GAB2: variants seen among roughly 807,000 people sequenced by gnomAD.
GAB2 encodes the protein GRB2 associated binding protein 2, also known as GRB2-associated-binding protein 2.
Under a neutral mutation model 65.5 loss-of-function variants are expected in GAB2, and 26 were observed. The ratio of observed to expected loss-of-function variants is 0.40; its 90% confidence interval spans 0.29 to 0.55. The LOEUF is 0.55. Among genes scored for constraint, GAB2 ranks in the 20% least tolerant of loss-of-function variants. The pLI, the probability that GAB2 is intolerant of heterozygous loss-of-function variation, is 0.53. For synonymous variants in GAB2, 321 were observed against 329.6 expected (o/e 0.97, Z 0.28); for missense variants, 884 against 875.8 (o/e 1.01, Z -0.12).
chr11:78,385,700 C>A (rs1444057701), intron 1 of GAB2, among the ~76,000 whole-genome samples: 2 of 152,126 alleles, frequency 1.3e-5, no homozygotes, highest in Non-Finnish European at 2.9e-5. Flanking sequence ...ACCAGAAACT[C>A]CACAGAAGAT....
At chr11:78,237,807 G>A (rs1865021129) in intron 3 of GAB2, among the ~76,000 whole-genome samples, 1 of 152,216 alleles carries the variant, frequency 6.6e-6, no homozygotes, top group South Asian at 2.1e-4. Flanking sequence ...ACTGGATCAA[G>A]AAAATGTGGT....
intron 3 of GAB2, among the ~76,000 whole-genome samples, chr11:78,244,887 A>G (rs1865253732): frequency 6.6e-6 from 1 of 152,228 alleles, no homozygotes; most frequent in Non-Finnish European, 1.5e-5. Flanking sequence ...AAGTTCCTCA[A>G]AAAACTAACA....
At chr11:78,315,622 G>C (rs1191054420) in intron 1 of GAB2, among the ~76,000 whole-genome samples, 1 of 152,136 alleles carries the variant, frequency 6.6e-6, no homozygotes, top group Non-Finnish European at 1.5e-5. Flanking sequence ...TGTTTTCTTG[G>C]ATGTGACACC....
chr11:78,280,502 C>T (rs1866304580), intron 2 of GAB2, 99 bp downstream of exon 2: 2 of 976,532 alleles, frequency 2.0e-6, no homozygotes, highest in Non-Finnish European at 1.6e-6. Context: ...GAACGCTCTT[C>T]CAACAGGAAA....
intron 3 of GAB2, among the ~76,000 whole-genome samples, chr11:78,230,657 T>C (rs957485048): frequency 6.6e-6 from 1 of 152,232 alleles, no homozygotes; most frequent in African/African-American, 2.4e-5. Context: ...TGATAGATAA[T>C]AGTGACACAT....
chr11:78,240,023 G>T (rs999729490), intron 3 of GAB2, among the ~76,000 whole-genome samples: 1 of 151,884 alleles, frequency 6.6e-6, no homozygotes, highest in Non-Finnish European at 1.5e-5. Flanking sequence ...TCCCAGGGGG[G>T]TCAAGCAGAA....
chr11:78,335,551 A>T (rs576127958), intron 1 of GAB2, among the ~76,000 whole-genome samples: 3 of 152,280 alleles, frequency 2.0e-5, no homozygotes, highest in Admixed American at 2.0e-4. Flanking sequence ...AGTTCACTGT[A>T]GGTATGTGAA....
intron 2 of GAB2, among the ~76,000 whole-genome samples, chr11:78,262,425 A>C (rs115678138): frequency 6.2e-4 from 95 of 152,346 alleles, no homozygotes; most frequent in African/African-American, 2.2e-3. Flanking sequence ...TCAGCACTGC[A>C]CTGTGGGAGG....
intron 1 of GAB2, among the ~76,000 whole-genome samples, chr11:78,303,586 T>C (rs114924891): frequency 0.019 from 2,939 of 152,294 alleles, 104 homozygotes; most frequent in African/African-American, 0.069. Context: ...AGTCTTGAAA[T>C]CAGGTAGTGT....
rs186315305 is a variant in GAB2 at position 78,284,519 on chromosome 11, G to A, written c.76-3618C>T. Among the ~76,000 whole-genome samples the A allele has an allele frequency of 4.4e-3, 667 of 152,212 alleles. 2 individuals are homozygous for A. Among genetic ancestry groups the A allele is most frequent in the African/African-American group, 0.015 (629 of 41,520 alleles). ...GCCTTGCCTATTCTGCTCTGGCCAC[G>A]TGGCCTTACACAGTGCCAGGCGTGC... On this transcript the variant is annotated intron_variant, in intron 1 of 9. Coordinates refer to ENST00000361507, the MANE Select transcript of GAB2 (RefSeq NM_080491.3).
At chr11:78,224,453 C>G (rs1180836879) in intron 5 of GAB2, among the ~76,000 whole-genome samples, 4 of 152,182 alleles carry the variant, frequency 2.6e-5, no homozygotes, top group African/African-American at 9.6e-5. Flanking sequence ...ACCTGGGGCT[C>G]ACTCCAGGCA....
chr11:78,264,464 G>A (rs920475777), intron 2 of GAB2, among the ~76,000 whole-genome samples: 10 of 151,662 alleles, frequency 6.6e-5, no homozygotes, highest in South Asian at 4.2e-4. Context: ...GCAGTGGCAC[G>A]ATCTCAGCTC....
rs753101490 is a variant in GAB2 at position 78,250,300 on chromosome 11, TGAGGAC to T, written c.471_476del (p.Ser158_Ser159del). On this transcript the variant is annotated inframe_deletion, in exon 3 of 10. Transcript: ENST00000361507. ...TTGGCTGGCTGGAGTGTGATGGGGC[TGAGGAC>T]TTGCGCTCTCGGAGAAGGTGCTGGC... 1 of 1,613,466 alleles carries T rather than the reference TGAGGAC, an allele frequency of 6.2e-7. No individual in the cohort carries two copies. Among genetic ancestry groups the T allele is most frequent in the Non-Finnish European group, 8.5e-7 (1 of 1,179,908 alleles).
At chr11:78,307,969 A>G (rs533565829) in intron 1 of GAB2, among the ~76,000 whole-genome samples, 1 of 152,250 alleles carries the variant, frequency 6.6e-6, no homozygotes, top group African/African-American at 2.4e-5. Context: ...GCACCATCCA[A>G]TTTGTTGAGA....
chr11:78,319,909 C>A (rs1855689952), intron 1 of GAB2, among the ~76,000 whole-genome samples: 1 of 151,342 alleles, frequency 6.6e-6, no homozygotes, highest in Admixed American at 6.6e-5. Context: ...GCTCTGTCAC[C>A]CAGGGTGGAG....
At chr11:78,240,388 T>C (rs1865095682) in intron 3 of GAB2, among the ~76,000 whole-genome samples, 1 of 151,326 alleles carries the variant, frequency 6.6e-6, no homozygotes, top group Non-Finnish European at 1.5e-5. Flanking sequence ...CAGGACCCTG[T>C]GTTTCAGGGA....
In GAB2 at chr11:78,349,057, A is replaced by T. The variant is rs56288106; in HGVS notation, c.76-68156T>A. ...GGAAAGACTGCAAAGGGGCAAGAGG[A>T]ATCTTTTGGGGATGATGCCAATGTT... On this transcript the variant is annotated intron_variant, in intron 1 of 9. Coordinates refer to ENST00000361507, the MANE Select transcript of GAB2 (RefSeq NM_080491.3). Among the ~76,000 whole-genome samples the T allele has an allele frequency of 3.4e-3, 522 of 152,332 alleles. 1 individual carries two copies. Among genetic ancestry groups the T allele is most frequent in the African/African-American group, 0.012 (498 of 41,576 alleles).
rs140259076 is a variant in GAB2, at chr11:78,405,560, T to G, written c.75+12086A>C. Among the ~76,000 whole-genome samples the G allele has an allele frequency of 3.9e-5, 6 of 152,344 alleles. No homozygotes were observed. In the East Asian group the frequency reaches 1.2e-3, roughly 29 times the overall value. ...ATACTATATGTTTACTGGTAACAAG[T>G]GCTTTTGTATAAGCAACATTCAAGA... On this transcript the variant is annotated intron_variant, in intron 1 of 9. Transcript: ENST00000361507.
At chr11:78,393,940 A>G (rs1002893728) in intron 1 of GAB2, among the ~76,000 whole-genome samples, 3 of 152,234 alleles carry the variant, frequency 2.0e-5, no homozygotes, top group African/African-American at 7.2e-5. Flanking sequence ...GTTCCCCACA[A>G]GGTAAAGACA....
Sources: allele counts gnomAD v4.1 joint callset (sites outside exome capture counted in the v4.1 genomes callset), GRCh38; gene constraint gnomAD v4.1.1; transcripts MANE v1.5; gene names NCBI Gene and HGNC (gene_info 2026-07-23, HGNC 2026-07-21).